The following CPS1 variants were observed in gnomAD, a reference collection of about 807,000 sequenced individuals.
CPS1 encodes carbamoyl-phosphate synthase [ammonia], mitochondrial.
A neutral mutation model predicts 174.6 loss-of-function variants in CPS1; 109 were observed. That is an observed-to-expected ratio of 0.62 (90% CI 0.53 to 0.73). CPS1 has a LOEUF of 0.73. Among genes scored for constraint, CPS1 ranks in the 30% least tolerant of loss-of-function variants. The pLI, the probability that CPS1 is intolerant of heterozygous loss-of-function variation, is 0.00. For missense variants in CPS1, 1,689 were observed against 1,821.9 expected, an observed-to-expected ratio of 0.93 and a Z score of 1.33; for synonymous variants, 637 against 632.0, an observed-to-expected ratio of 1.01 and a Z score of -0.12.
intron 2 of CPS1, among the ~76,000 whole-genome samples, chr2:210,575,916 C>T (rs1574543273): frequency 6.6e-6 from 1 of 151,896 alleles, no homozygotes; most frequent in African/African-American, 2.4e-5. Context: ...TTCAATGTTT[C>T]GATGGTTACT....
At position 210,625,566 on chromosome 2, in the gene CPS1, G is replaced by A. The variant is rs554812497; in HGVS notation, c.2687+9025G>A. ...ACTCCATATTGGAGCCAGGTTTTGA[G>A]TTCAGAAATCTCTCAGTCCAAGGAC... On this transcript the variant is annotated intron_variant, in intron 21 of 37. Transcript: ENST00000233072. Among the ~76,000 whole-genome samples the A allele has an allele frequency of 9.9e-5, 15 of 152,130 alleles. 1 individual carries two copies. Among genetic ancestry groups the A allele is most frequent in the African/African-American group, 3.4e-4 (14 of 41,554 alleles).
intron 1 of CPS1, among the ~76,000 whole-genome samples, chr2:210,570,672 C>T (rs1308012226): frequency 6.6e-6 from 1 of 151,852 alleles, no homozygotes; most frequent in Non-Finnish European, 1.5e-5. Context: ...ATCAAAGTTA[C>T]ATATTATCTA....
intron 25 of CPS1, among the ~76,000 whole-genome samples, chr2:210,646,600 C>T (rs1272976013): frequency 6.6e-6 from 1 of 152,134 alleles, no homozygotes. Context: ...TTAGGACACA[C>T]ACAAATTATG....
chr2:210,535,300 G>A (rs1300114773), intron 1 of CPS1, among the ~76,000 whole-genome samples: 1 of 152,128 alleles, frequency 6.6e-6, no homozygotes, highest in Non-Finnish European at 1.5e-5. Context: ...TATGCTTTGA[G>A]AGCAGGTTAG....
chr2:210,483,765 C>A (rs1023461218), intron 1 of CPS1, among the ~76,000 whole-genome samples: 2 of 152,190 alleles, frequency 1.3e-5, no homozygotes, highest in Non-Finnish European at 2.9e-5. Context: ...CCAGACAAAC[C>A]TTTTACATCT....
At chr2:210,550,522 T>C (rs1696700724) in intron 1 of CPS1, among the ~76,000 whole-genome samples, 1 of 152,024 alleles carries the variant, frequency 6.6e-6, no homozygotes, top group Non-Finnish European at 1.5e-5. Flanking sequence ...CATTAGCTTA[T>C]TTCAAGAATT....
At chr2:210,526,802 A>G (rs1261337023) in intron 1 of CPS1, among the ~76,000 whole-genome samples, 1 of 151,968 alleles carries the variant, frequency 6.6e-6, no homozygotes. Flanking sequence ...TAAAAATCAC[A>G]AAGATTTAAA....
chr2:210,586,164 G>C (rs1022924572), intron 6 of CPS1, among the ~76,000 whole-genome samples: 2 of 151,870 alleles, frequency 1.3e-5, no homozygotes, highest in African/African-American at 2.4e-5. Flanking sequence ...AAGGATTTTG[G>C]GTTCCTAGAA....
intron 1 of CPS1, among the ~76,000 whole-genome samples, chr2:210,482,600 T>C (rs2105941844): frequency 6.6e-6 from 1 of 152,154 alleles, no homozygotes; most frequent in East Asian, 1.9e-4. Context: ...CCCACCTGAA[T>C]CTTAATCTTA....
At chr2:210,513,708 A>G (rs1041394511) in intron 1 of CPS1, among the ~76,000 whole-genome samples, 3 of 151,768 alleles carry the variant, frequency 2.0e-5, no homozygotes. Context: ...CCCACTTGTG[A>G]ATTTTTGTTT....
intron 11 of CPS1, among the ~76,000 whole-genome samples, chr2:210,593,890 A>T (rs1256941671): frequency 6.6e-6 from 1 of 152,010 alleles, no homozygotes; most frequent in Non-Finnish European, 1.5e-5. Context: ...CATGCTAAGT[A>T]GTTTTTTAAT....
chr2:210,512,865 TATATATATATAGAG>T (rs1695545513), intron 1 of CPS1, among the ~76,000 whole-genome samples: 1 of 40,856 alleles, frequency 2.4e-5, no homozygotes, highest in South Asian at 1.1e-3. Context: ...TATATATAGA[TATATATATATAGAG>T]ATATATATAT....
At chr2:210,617,292 A>G (rs1281043983) in intron 21 of CPS1, among the ~76,000 whole-genome samples, 2 of 152,048 alleles carry the variant, frequency 1.3e-5, no homozygotes, top group African/African-American at 4.8e-5. Flanking sequence ...GAAAGACAAT[A>G]TAGTCCTCTT....
chr2:210,582,477 T>C (rs1282619167), intron 5 of CPS1, 140 bp from the exon 6 acceptor site: 2 of 704,672 alleles, frequency 2.8e-6, no homozygotes, highest in Non-Finnish European at 5.1e-6. Flanking sequence ...TTTGAGAAGA[T>C]GAAGATCTTC....
intron 1 of CPS1, among the ~76,000 whole-genome samples, chr2:210,558,613 G>T (rs942442484): frequency 1.3e-5 from 2 of 152,014 alleles, no homozygotes; most frequent in Non-Finnish European, 2.9e-5. Flanking sequence ...GAGAAGGTAG[G>T]TATGTAGGTA....
rs141766858 is a variant in CPS1, at chr2:210,648,836, G to C, written c.3404+296G>C. On this transcript the variant is annotated intron_variant, in intron 27 of 37. Coordinates refer to ENST00000233072, the MANE Select transcript of CPS1 (RefSeq NM_001875.5). Reference sequence around the variant, plus strand: ...TTAAAGAACAGGACAATTTAAAAAAGACACACAAATTGAGGTATCTCTCGC... The same window carrying C: ...TTAAAGAACAGGACAATTTAAAAAACACACACAAATTGAGGTATCTCTCGC... 3.5e-3 allele frequency among the ~76,000 whole-genome samples: 528 copies of C among 152,266 alleles called. 2 individuals are homozygous for C. Among genetic ancestry groups the C allele is most frequent in the Non-Finnish European group, 6.3e-3 (428 of 68,010 alleles).
At chr2:210,533,997 A>T (rs1251302715) in intron 1 of CPS1, among the ~76,000 whole-genome samples, 1 of 152,206 alleles carries the variant, frequency 6.6e-6, no homozygotes, top group African/African-American at 2.4e-5. Flanking sequence ...TCGTTGAATT[A>T]AGCCAGTGTC....
chr2:210,612,195 A>T lies in CPS1; in HGVS notation c.2470A>T (p.Thr824Ser), dbSNP rs1264367255. ...GTGCCACCCATCTATAGAAGGTTTC[A>T]CTCCCCGTCTCCCAATGAACAAAGA... ...RMCHPSIEGF[T>S]PRLPMNKEWP... The change falls in exon 20 of 38, where the codon ACT becomes TCT. Residue 824 changes from threonine (T) to serine (S), a missense_variant. By Grantham distance (58) the Thr-to-Ser change is moderately conservative. Coordinates refer to ENST00000233072, the MANE Select transcript of CPS1 (RefSeq NM_001875.5). 6.2e-7 allele frequency: 1 copy of T among 1,612,184 alleles called. No individual in the cohort carries two copies. Among genetic ancestry groups the T allele is most frequent in the Non-Finnish European group, 8.5e-7 (1 of 1,178,864 alleles).
chr2:210,646,892 TACA>T (rs1700393379), intron 25 of CPS1, among the ~76,000 whole-genome samples: 1 of 152,068 alleles, frequency 6.6e-6, no homozygotes, highest in Non-Finnish European at 1.5e-5. Flanking sequence ...CCCTCACTGC[TACA>T]ACAACACCTG....
Sources: gnomAD v4.1 joint callset for allele counts (sites outside exome capture counted in the v4.1 genomes callset) on GRCh38, gnomAD v4.1.1 for gene constraint, MANE v1.5 for transcripts, NCBI Gene and HGNC (gene_info 2026-07-23, HGNC 2026-07-21) for gene names.